TIAM1: variants seen among roughly 807,000 people sequenced by gnomAD.
TIAM1 encodes TIAM Rac1 associated GEF 1.
Under a neutral mutation model 163.5 loss-of-function variants are expected in TIAM1, and 65 were observed. That is an observed-to-expected ratio of 0.40 (90% CI 0.33 to 0.49). The LOEUF (loss-of-function observed/expected upper bound fraction) is 0.49, where lower values mean the gene tolerates loss of function less well. Ranked by LOEUF, TIAM1 falls within the 20% of genes least tolerant of loss-of-function variation. TIAM1 has a pLI of 0.77. For missense variants in TIAM1, 1,789 were observed against 2,044.7 expected (o/e 0.87, Z 2.41); for synonymous variants, 833 against 810.1 (o/e 1.03, Z -0.48).
chr21:31,447,132 T>C (rs968614527), intron 2 of TIAM1, among the ~76,000 whole-genome samples: 1 of 152,148 alleles, frequency 6.6e-6, no homozygotes, highest in African/African-American at 2.4e-5. Context: ...CTCACACCTG[T>C]AATCCCAGCA....
chr21:31,412,181 G>C (rs1160735982), intron 2 of TIAM1, among the ~76,000 whole-genome samples: 1 of 152,188 alleles, frequency 6.6e-6, no homozygotes, highest in African/African-American at 2.4e-5. Flanking sequence ...GACACAGAAA[G>C]ACAAGTATTG....
intron 2 of TIAM1, among the ~76,000 whole-genome samples, chr21:31,324,121 G>A (rs570612742): frequency 2.0e-4 from 31 of 152,248 alleles, no homozygotes; most frequent in African/African-American, 6.5e-4. Flanking sequence ...CTGTAATGGT[G>A]GGTACAGTAA....
intron 6 of TIAM1, among the ~76,000 whole-genome samples, chr21:31,235,824 T>G (rs1188739345): frequency 6.6e-6 from 1 of 152,208 alleles, no homozygotes; most frequent in Non-Finnish European, 1.5e-5. Flanking sequence ...ATTATACCTC[T>G]GCAGTGTGGG....
Position 31,182,470 on chromosome 21 carries a change from G to A in TIAM1, c.2838C>T (p.Gly946=), listed in dbSNP as rs2085078275. ...GGGGGCTCTCGCCAAGGTCGGCAGG[G>A]CCGTCCACTCGGTGGGGCGGGCTTT... ...LLESPPHRVD[G]PADLGESPLA... Residue 946 remains glycine, a synonymous_variant, in exon 15 of 28, where the codon GGC becomes GGT. Coordinates refer to ENST00000541036, the MANE Select transcript of TIAM1 (RefSeq NM_001353694.2). 7.5e-6 allele frequency: 12 copies of A among 1,609,860 alleles called. No homozygotes were observed. Among genetic ancestry groups the A allele is most frequent in the Non-Finnish European group, 7.6e-6 (9 of 1,178,206 alleles).
intron 2 of TIAM1, among the ~76,000 whole-genome samples, chr21:31,411,501 G>A (rs1206055115): frequency 6.8e-6 from 1 of 147,424 alleles, no homozygotes; most frequent in Non-Finnish European, 1.5e-5. Context: ...TTGGAGATAG[G>A]GTCTCACTCC....
intron 6 of TIAM1, among the ~76,000 whole-genome samples, chr21:31,242,153 T>C (rs970846827): frequency 4.6e-5 from 7 of 152,124 alleles, no homozygotes; most frequent in African/African-American, 1.7e-4. Flanking sequence ...AAATAAACCA[T>C]GTCTAAAGAA....
intron 1 of TIAM1, among the ~76,000 whole-genome samples, chr21:31,521,540 A>C (rs1049438117): frequency 1.3e-5 from 2 of 152,180 alleles, no homozygotes; most frequent in South Asian, 4.1e-4. Context: ...GTTGAAGACC[A>C]GCCTGGGTAA....
chr21:31,145,551 C>T (rs762201120), intron 20 of TIAM1, among the ~76,000 whole-genome samples: 40 of 152,150 alleles, frequency 2.6e-4, no homozygotes, highest in Non-Finnish European at 4.4e-4. Flanking sequence ...TGAACTATGG[C>T]GACATAACCA....
chr21:31,427,477 ACT>A (rs1029257669), intron 2 of TIAM1, among the ~76,000 whole-genome samples: 4 of 151,786 alleles, frequency 2.6e-5, no homozygotes, highest in Non-Finnish European at 5.9e-5. Flanking sequence ...ACAGAGCGAG[ACT>A]CTGTCTCAAA....
chr21:31,463,592 C>A (rs777087925), intron 2 of TIAM1, among the ~76,000 whole-genome samples: 1 of 152,064 alleles, frequency 6.6e-6, no homozygotes, highest in African/African-American at 2.4e-5. Flanking sequence ...CCGAGGCAGA[C>A]GGATCACCTG....
intron 22 of TIAM1, among the ~76,000 whole-genome samples, chr21:31,139,389 AG>A (rs1339022427): frequency 6.6e-6 from 1 of 152,226 alleles, no homozygotes; most frequent in East Asian, 1.9e-4. Context: ...AATAAAAAAA[AG>A]TTTACAGTAT....
At chr21:31,155,610 T>C (rs965759110) in intron 16 of TIAM1, among the ~76,000 whole-genome samples, 4 of 152,250 alleles carry the variant, frequency 2.6e-5, no homozygotes, top group East Asian at 1.9e-4. Flanking sequence ...GTTCACGCCA[T>C]TCTCCTGCCT....
In TIAM1 at chr21:31,217,576, G is replaced by T; in HGVS notation, c.2119C>A (p.Gln707Lys). ...ACCTGATTGATGCTTGGCCGTCCCT[G>T]CTTCTTTTTGGAGGTAGTATCCAGA... Reference protein sequence around the residue: ...WGLDTTSKKKQGRPSINQVFG... With the variant: ...WGLDTTSKKKKGRPSINQVFG... Residue 707 changes from glutamine (Q) to lysine (K), a missense_variant, in exon 9 of 28, where the codon CAG (glutamine) becomes AAG (lysine). Physicochemically the swap from Gln to Lys is moderately conservative, Grantham distance 53. Coordinates refer to ENST00000541036, the MANE Select transcript of TIAM1 (RefSeq NM_001353694.2). 1 of 1,613,852 alleles carries T rather than the reference G, an allele frequency of 6.2e-7. No homozygotes were observed. The highest frequency in any genetic ancestry group is 1.1e-5 in the South Asian group (1 of 91,000).
At chr21:31,142,860 CCCAGCTGGTT>C (rs1214384269) in intron 20 of TIAM1, among the ~76,000 whole-genome samples, 1 of 152,000 alleles carries the variant, frequency 6.6e-6, no homozygotes, top group Non-Finnish European at 1.5e-5. Flanking sequence ...TCCTCAGTGT[CCCAGCTGGTT>C]TGGGAAGCAG....
chr21:31,165,216 C>G, intron 15 of TIAM1, 151 bp from the exon 16 acceptor site: 3 of 599,962 alleles, frequency 5.0e-6, no homozygotes, highest in Non-Finnish European at 8.8e-6. Flanking sequence ...TGGGCTCAAT[C>G]AAATTAAAAT....
intron 1 of TIAM1, among the ~76,000 whole-genome samples, chr21:31,508,717 G>A (rs139525908): frequency 3.9e-5 from 6 of 152,134 alleles, no homozygotes; most frequent in African/African-American, 1.2e-4. Context: ...ACCAACTTTC[G>A]ATCCTGGCCT....
chr21:31,180,452 C>T (rs960509723), intron 15 of TIAM1, among the ~76,000 whole-genome samples: 1 of 151,614 alleles, frequency 6.6e-6, no homozygotes, highest in Admixed American at 6.6e-5. Context: ...GACTGTGTTC[C>T]AATAAAACTT....
intron 2 of TIAM1, among the ~76,000 whole-genome samples, chr21:31,429,923 G>T (rs545055679): frequency 3.3e-5 from 5 of 152,238 alleles, no homozygotes; most frequent in African/African-American, 1.2e-4. Context: ...AGTTGCACAG[G>T]GGGAGCCGGG....
intron 16 of TIAM1, among the ~76,000 whole-genome samples, chr21:31,160,227 CA>C (rs2083844521): frequency 6.6e-6 from 1 of 152,176 alleles, no homozygotes; most frequent in Non-Finnish European, 1.5e-5. Context: ...AGATGCTAGG[CA>C]AATTCAACTC....
Sources: gnomAD v4.1 joint callset for allele counts (sites outside exome capture counted in the v4.1 genomes callset) on GRCh38, gnomAD v4.1.1 for gene constraint, MANE v1.5 for transcripts, NCBI Gene and HGNC (gene_info 2026-07-23, HGNC 2026-07-21) for gene names.